DLGAP2: variants seen among roughly 807,000 people sequenced by gnomAD.
DLGAP2 encodes disks large-associated protein 2.
A neutral mutation model predicts 100.3 loss-of-function variants in DLGAP2; 26 were observed. The observed-to-expected ratio is 0.26, with a 90% CI of 0.19 to 0.36. DLGAP2 has a LOEUF of 0.36. Among genes scored for constraint, DLGAP2 ranks in the 10% least tolerant of loss-of-function variants. DLGAP2 has a pLI of 1.00. For missense variants in DLGAP2, 1,858 were observed against 1,453.2 expected (o/e 1.28, Z -4.53); for synonymous variants, 886 against 630.1 (o/e 1.41, Z -6.08).
intron 6 of DLGAP2, among the ~76,000 whole-genome samples, chr8:1,619,257 G>C (rs78565580): frequency 6.6e-6 from 1 of 152,168 alleles, no homozygotes; most frequent in Non-Finnish European, 1.5e-5. Context: ...AGGTGAAAGT[G>C]AAAACTTTAT....
intron 2 of DLGAP2, among the ~76,000 whole-genome samples, chr8:964,746 G>C (rs917033678): frequency 2.6e-5 from 4 of 152,148 alleles, no homozygotes; most frequent in African/African-American, 7.2e-5. Context: ...GGTGGGCACC[G>C]CCTCCACCTA....
chr8:964,446 C>G (rs540194348), intron 2 of DLGAP2, among the ~76,000 whole-genome samples: 1 of 152,368 alleles, frequency 6.6e-6, no homozygotes, highest in African/African-American at 2.4e-5. Context: ...GCAGAGGACC[C>G]AGCCTTTTAT....
intron 6 of DLGAP2, among the ~76,000 whole-genome samples, chr8:1,581,811 C>T (rs1438559867): frequency 6.6e-6 from 1 of 151,550 alleles, no homozygotes; most frequent in Non-Finnish European, 1.5e-5. Flanking sequence ...CACACGTCTA[C>T]ACACCACAGT....
At chr8:791,963 T>C (rs1190141318) in intron 1 of DLGAP2, among the ~76,000 whole-genome samples, 1 of 152,228 alleles carries the variant, frequency 6.6e-6, no homozygotes, top group Non-Finnish European at 1.5e-5. Context: ...GTCTGTTACA[T>C]AATCACGGTG....
chr8:1,409,822 C>T (rs1047223693), intron 3 of DLGAP2, among the ~76,000 whole-genome samples: 2 of 152,196 alleles, frequency 1.3e-5, no homozygotes, highest in African/African-American at 2.4e-5. Context: ...AGCCCCAGGG[C>T]CTTCAGGCTC....
chr8:1,620,661 C>T (rs550958076), intron 6 of DLGAP2: 25 of 152,336 alleles, frequency 1.6e-4, no homozygotes, highest in African/African-American at 5.8e-4. Flanking sequence ...TGGGCTCTGT[C>T]CCTAAAATCC....
At position 930,135 on chromosome 8, in the gene DLGAP2, C is replaced by T. The variant is rs567140666; in HGVS notation, c.73+22169C>T. 3.9e-5 allele frequency among the ~76,000 whole-genome samples: 6 copies of T among 152,198 alleles called. No individual in the cohort carries two copies. The East Asian group carries it at 1.2e-3, about 30-fold the overall frequency. Reference sequence around the variant, plus strand: ...TCTGACTCAGACCTGGCGACCCTGGCCTCTCCTTTTTGCAGACCTTAGAAA... The same window carrying T: ...TCTGACTCAGACCTGGCGACCCTGGTCTCTCCTTTTTGCAGACCTTAGAAA... On this transcript the variant is annotated intron_variant, in intron 2 of 14. Coordinates refer to ENST00000637795, the MANE Select transcript of DLGAP2 (RefSeq NM_001346810.2).
intron 1 of DLGAP2, among the ~76,000 whole-genome samples, chr8:827,283 AC>A (rs1302335456): frequency 6.6e-6 from 1 of 152,148 alleles, no homozygotes; most frequent in East Asian, 1.9e-4. Flanking sequence ...AGATAATATA[AC>A]CTTGATATAG....
chr8:1,636,328 A>G (rs1016927654), intron 8 of DLGAP2, among the ~76,000 whole-genome samples: 8 of 152,244 alleles, frequency 5.3e-5, no homozygotes, highest in African/African-American at 1.9e-4. Context: ...GAAAACCTAT[A>G]GAAAGCATGG....
At chr8:795,616 T>TGTCCAGTGAGAGCAGGG in intron 1 of DLGAP2, among the ~76,000 whole-genome samples, 1 of 147,758 alleles carries the variant, frequency 6.8e-6, no homozygotes, top group South Asian at 2.2e-4. Context: ...ATGGAGCAGG[T>TGTCCAGTGAGAGCAGGG]GTCCAGTGAG....
At chr8:785,319 C>G (rs1429953071) in intron 1 of DLGAP2, among the ~76,000 whole-genome samples, 1 of 150,878 alleles carries the variant, frequency 6.6e-6, no homozygotes, top group Non-Finnish European at 1.5e-5. Context: ...GGGCGATTCC[C>G]ATGTGGCTCA....
At chr8:1,624,873 C>T (rs922444106) in intron 6 of DLGAP2, among the ~76,000 whole-genome samples, 1 of 150,656 alleles carries the variant, frequency 6.6e-6, no homozygotes, top group Non-Finnish European at 1.5e-5. Context: ...CTCTCTGTCT[C>T]TCTCTCTCTC....
chr8:1,304,891 A>G (rs1044229962), intron 3 of DLGAP2, among the ~76,000 whole-genome samples: 4 of 152,246 alleles, frequency 2.6e-5, no homozygotes, highest in African/African-American at 9.6e-5. Context: ...CTGCAATCGC[A>G]TTTGATATAA....
At position 946,916 on chromosome 8, in the gene DLGAP2, A is replaced by C. The variant is rs140884674; in HGVS notation, c.73+38950A>C. ...TGTGCATAAAGCAGGAGGAAAAGCC[A>C]CCGGCCGCCCTGTCCTGCTGCCGGG... On this transcript the variant is annotated intron_variant, in intron 2 of 14. Transcript: ENST00000637795. Among the ~76,000 whole-genome samples, 437 of 152,278 alleles carry C rather than the reference A, an allele frequency of 2.9e-3. 2 individuals carry two copies. Among genetic ancestry groups the C allele is most frequent in the African/African-American group, 9.7e-3 (405 of 41,556 alleles).
intron 2 of DLGAP2, among the ~76,000 whole-genome samples, chr8:1,258,385 T>G (rs1200226836): frequency 6.8e-6 from 1 of 146,502 alleles, no homozygotes; most frequent in African/African-American, 2.6e-5. Flanking sequence ...AGTTGAACAA[T>G]GAGAACACAT....
At chr8:1,263,728 T>A (rs997287237) in intron 3 of DLGAP2, among the ~76,000 whole-genome samples, 1 of 152,158 alleles carries the variant, frequency 6.6e-6, no homozygotes, top group Non-Finnish European at 1.5e-5. Flanking sequence ...AAATTGCATA[T>A]TGAAGAGCTT....
intron 2 of DLGAP2, among the ~76,000 whole-genome samples, chr8:934,829 G>T (rs1261982458): frequency 6.6e-6 from 1 of 152,180 alleles, no homozygotes; most frequent in Non-Finnish European, 1.5e-5. Context: ...CAGATCAGAC[G>T]CACAGGTGTT....
rs577386211 is a variant in DLGAP2, at chr8:1,136,972, T to C, written c.74-121879T>C. Among the ~76,000 whole-genome samples, 4 of 152,358 alleles carry C rather than the reference T, an allele frequency of 2.6e-5. No homozygotes were observed. The South Asian group carries it at 8.3e-4, about 32-fold the overall frequency. On this transcript the variant is annotated intron_variant, in intron 2 of 14. Transcript: ENST00000637795. The stretch of plus-strand genomic sequence containing the variant: ...TAGTATGTCTGAAAAACTGTAATCC[T>C]GCCTCTCAAGATGGTGCCCAGCCAC...
intron 1 of DLGAP2, among the ~76,000 whole-genome samples, chr8:766,979 C>T (rs7464631): frequency 3.9e-5 from 6 of 152,016 alleles, no homozygotes; most frequent in Non-Finnish European, 8.8e-5. Context: ...CCTCCTCCTG[C>T]GGTGCACTGG....
Sources: allele counts gnomAD v4.1 joint callset (sites outside exome capture counted in the v4.1 genomes callset), GRCh38; gene constraint gnomAD v4.1.1; transcripts MANE v1.5; gene names NCBI Gene and HGNC (gene_info 2026-07-23, HGNC 2026-07-21).